Variants in SLC2A9 observed in about 807,000 individuals in gnomAD.
SLC2A9 encodes the protein solute carrier family 2 member 9.
A neutral mutation model predicts 50.6 loss-of-function variants in SLC2A9; 39 were observed. That is an observed-to-expected ratio of 0.77 (90% CI 0.60 to 1.01). The LOEUF is 1.01. Among genes scored for constraint, SLC2A9 ranks in the 50% least tolerant of loss-of-function variants. The pLI, the probability that SLC2A9 is intolerant of heterozygous loss-of-function variation, is 0.00. For missense variants in SLC2A9, 686 were observed against 677.6 expected (o/e 1.01, Z -0.14); for synonymous variants, 324 against 276.9 (o/e 1.17, Z -1.69).
At chr4:10,013,982 C>T (rs1035279700) in intron 2 of SLC2A9, among the ~76,000 whole-genome samples, 5 of 152,178 alleles carry the variant, frequency 3.3e-5, no homozygotes, top group Non-Finnish European at 7.3e-5. Context: ...ATACCCTCCC[C>T]GCACTCCAAA....
intron 10 of SLC2A9, among the ~76,000 whole-genome samples, chr4:9,847,397 C>T (rs1271869070): frequency 1.3e-5 from 2 of 152,232 alleles, no homozygotes; most frequent in Admixed American, 6.5e-5. Context: ...AAAGAAACCA[C>T]CTCCGTGATC....
intron 2 of SLC2A9, among the ~76,000 whole-genome samples, chr4:10,010,844 T>G (rs757343788): frequency 4.6e-5 from 7 of 152,210 alleles, no homozygotes; most frequent in Admixed American, 6.5e-5. Flanking sequence ...TTTTCATTCA[T>G]AACTCCTATT....
chr4:9,790,271 G>C (rs1462695240), intron 3 of SLC2A9, among the ~76,000 whole-genome samples: 3 of 152,170 alleles, frequency 2.0e-5, no homozygotes, highest in East Asian at 3.8e-4. Context: ...TATCAGACTT[G>C]GTTGTAAATT....
At chr4:9,814,836 T>C (rs924238206) in intron 3 of SLC2A9, among the ~76,000 whole-genome samples, 2 of 151,970 alleles carry the variant, frequency 1.3e-5, no homozygotes, top group African/African-American at 2.4e-5. Flanking sequence ...TAAGAGACAA[T>C]GCAGTAGAGG....
intron 10 of SLC2A9, among the ~76,000 whole-genome samples, chr4:9,876,817 G>A (rs769401870): frequency 6.6e-5 from 10 of 152,304 alleles, no homozygotes; most frequent in African/African-American, 1.9e-4. Context: ...TAGCACCAAT[G>A]CTGGAGTTAA....
chr4:10,038,506 CAAAAAAAAAA>C (rs35698968), intron 1 of SLC2A9, among the ~76,000 whole-genome samples: 16 of 49,446 alleles, frequency 3.2e-4, no homozygotes, highest in South Asian at 8.9e-4. Context: ...GACTCTGTCT[CAAAAAAAAAA>C]AAAAAAAAAA....
chr4:9,920,149 G>T (rs891246093), intron 7 of SLC2A9, among the ~76,000 whole-genome samples: 10 of 152,198 alleles, frequency 6.6e-5, no homozygotes, highest in East Asian at 1.9e-4. Context: ...TATCTCTGTG[G>T]CTAGCAGCTG....
At chr4:9,831,730 C>T (rs572204210) in intron 11 of SLC2A9, among the ~76,000 whole-genome samples, 1 of 152,324 alleles carries the variant, frequency 6.6e-6, no homozygotes, top group Non-Finnish European at 1.5e-5. Flanking sequence ...GGCAAGCTGG[C>T]AGTGCAGCCA....
chr4:9,920,818 G>A (rs975444533), intron 6 of SLC2A9, among the ~76,000 whole-genome samples: 1 of 152,182 alleles, frequency 6.6e-6, no homozygotes, highest in Non-Finnish European at 1.5e-5. Flanking sequence ...TGAGAACGTG[G>A]GTCTCTTGAC....
At chr4:9,893,591 A>G (rs2109820572) in intron 8 of SLC2A9, among the ~76,000 whole-genome samples, 1 of 147,766 alleles carries the variant, frequency 6.8e-6, no homozygotes, top group East Asian at 2.1e-4. Flanking sequence ...GGAGGGAGTG[A>G]GGGAGGGAGG....
chr4:9,861,121 A>T (rs977742303), intron 10 of SLC2A9, among the ~76,000 whole-genome samples: 8 of 152,244 alleles, frequency 5.3e-5, no homozygotes, highest in Admixed American at 3.3e-4. Context: ...AATTTATATT[A>T]AAAAAGAGGT....
intron 6 of SLC2A9, among the ~76,000 whole-genome samples, chr4:9,938,652 T>C (rs1471675603): frequency 6.6e-6 from 1 of 152,186 alleles, no homozygotes; most frequent in Admixed American, 6.5e-5. Context: ...GGCAGCACCC[T>C]GCACTTCAGT....
At chr4:9,969,816 G>T (rs763741795) in intron 5 of SLC2A9, among the ~76,000 whole-genome samples, 9 of 152,150 alleles carry the variant, frequency 5.9e-5, no homozygotes, top group Non-Finnish European at 4.4e-5. Context: ...CCACCCCCAT[G>T]ATTCAATTAT....
intron 5 of SLC2A9, among the ~76,000 whole-genome samples, chr4:9,959,252 CGT>C (rs1751838237): frequency 2.0e-5 from 3 of 151,178 alleles, no homozygotes; most frequent in Admixed American, 6.6e-5. Context: ...ATTAGCCAGG[CGT>C]GGTGGCGGGG....
At chr4:9,802,559 C>CTTTT (rs1238703528) in intron 3 of SLC2A9, among the ~76,000 whole-genome samples, 2 of 127,036 alleles carry the variant, frequency 1.6e-5, no homozygotes, top group African/African-American at 3.0e-5. Context: ...TTGTTCTTTT[C>CTTTT]TTTTTTTTTT....
intron 3 of SLC2A9, among the ~76,000 whole-genome samples, chr4:9,808,121 C>A (rs556140575): frequency 6.6e-6 from 1 of 152,198 alleles, no homozygotes; most frequent in African/African-American, 2.4e-5. Flanking sequence ...GCAGGCAGGG[C>A]TGTCACGGTG....
At chr4:9,826,189 A>G, downstream of SLC2A9, 2 of 586,124 alleles carry the variant, frequency 3.4e-6, no homozygotes, top group Non-Finnish European at 6.0e-6. Flanking sequence ...GGTTTGGGAG[A>G]TTCAGTTGTG....
At chr4:9,821,453 C>T (rs1303883884), downstream of SLC2A9, among the ~76,000 whole-genome samples, 1 of 151,966 alleles carries the variant, frequency 6.6e-6, no homozygotes, top group African/African-American at 2.4e-5. Context: ...ACAATGAGAA[C>T]ACGTGGACAC....
chr4:9,879,105 C>A, intron 10 of SLC2A9: 1 of 975,160 alleles, frequency 1.0e-6, no homozygotes, highest in Non-Finnish European at 1.2e-6. Flanking sequence ...AGGTTCTTGT[C>A]TTTGAAGCAG....
Sources: gnomAD v4.1 joint callset for allele counts (sites outside exome capture counted in the v4.1 genomes callset) on GRCh38, gnomAD v4.1.1 for gene constraint, MANE v1.5 for transcripts, NCBI Gene and HGNC (gene_info 2026-07-23, HGNC 2026-07-21) for gene names.